The following CFAP65 variants were observed in gnomAD, a reference collection of about 807,000 sequenced individuals.
The protein encoded by CFAP65 is cilia- and flagella-associated protein 65.
CFAP65 carries 155 observed loss-of-function variants against 208.0 expected under a neutral mutation model. The ratio of observed to expected loss-of-function variants is 0.75; its 90% CI spans 0.65 to 0.85. The LOEUF (loss-of-function observed/expected upper bound fraction) is 0.85, where lower values mean the gene tolerates loss of function less well. CFAP65 is among the 40% of genes least tolerant of loss of function. CFAP65 has a pLI of 0.00. For missense variants in CFAP65, 2,294 were observed against 2,451.3 expected, an observed-to-expected ratio of 0.94 and a Z score of 1.36; for synonymous variants, 970 against 986.3, an observed-to-expected ratio of 0.98 and a Z score of 0.31.
Position 219,010,669 on chromosome 2 carries a change from C to A in CFAP65, c.4185G>T (p.Ser1395=), listed in dbSNP as rs778237584. 1.9e-6 allele frequency: 3 copies of A among 1,610,330 alleles called. No individual in the cohort carries two copies. In the African/African-American group the frequency reaches 4.0e-5, roughly 21 times the overall value. The stretch of plus-strand genomic sequence containing the variant: ...CCACTCCCTGGAAGTGGATGAGGGC[C>A]GAGTTCCATCCCAGGATGTGTATGG... The part of the protein sequence containing the change: ...DVPIHILGWN[S]ALIHFQGVGY... Residue 1395 remains serine (S), a synonymous_variant, in exon 26 of 35, where the codon TCG becomes TCT. Coordinates refer to ENST00000341552, the MANE Select transcript of CFAP65 (RefSeq NM_194302.4).
chr2:219,017,817 C>T (rs1947008432), intron 21 of CFAP65, among the ~76,000 whole-genome samples: 1 of 152,250 alleles, frequency 6.6e-6, no homozygotes, highest in Admixed American at 6.5e-5. Flanking sequence ...TCCGGGCCCA[C>T]TCAAAGAGCC....
At chr2:219,035,140 G>A (rs566008102) in intron 5 of CFAP65, 21 of 484,936 alleles carry the variant, frequency 4.3e-5, no homozygotes, top group African/African-American at 3.6e-4. Context: ...CCAAAATCAC[G>A]TGAGCCTTCA....
intron 5 of CFAP65, chr2:219,034,939 TG>T (rs1948260423): frequency 6.1e-6 from 1 of 165,050 alleles, no homozygotes. Flanking sequence ...CCATGCACTT[TG>T]GGAAATAGTT....
chr2:219,018,886 G>A, intron 21 of CFAP65, 165 bp downstream of exon 21: 1 of 898,794 alleles, frequency 1.1e-6, no homozygotes, highest in Admixed American at 2.2e-5. Flanking sequence ...AGTCCTGCTG[G>A]CAACCCCAGT....
In CFAP65 at chr2:219,030,850, G is replaced by C; in HGVS notation, c.1016-16C>G. The C allele has an allele frequency of 6.2e-7, 1 of 1,609,462 alleles. No homozygotes were observed. The highest frequency in any genetic ancestry group is 8.5e-7 in the Non-Finnish European group (1 of 1,177,240). On this transcript the variant is annotated splice_polypyrimidine_tract_variant and intron_variant, in intron 8 of 34. Coordinates refer to ENST00000341552, the MANE Select transcript of CFAP65 (RefSeq NM_194302.4). ...GCGCACTTGGCTGGGGCAGAGATGG[G>C]GGAGTCTTGGGGGAACCCACCAGGG...
chr2:219,021,325 AG>A (rs772363961), intron 18 of CFAP65, 45 bp from the exon 19 acceptor site: 41 of 1,510,810 alleles, frequency 2.7e-5, no homozygotes, highest in Non-Finnish European at 3.6e-5. Context: ...GAGGAGGCCC[AG>A]CCATTCCTCC....
intron 21 of CFAP65, chr2:219,014,251 C>T (rs1946687704): frequency 4.6e-6 from 2 of 438,666 alleles, no homozygotes; most frequent in Admixed American, 3.8e-5. Flanking sequence ...CAGGAACAGA[C>T]TCTGGGCCAC....
At position 219,029,566 on chromosome 2, in the gene CFAP65, G is replaced by A. The variant is rs772946492; in HGVS notation, c.1487C>T (p.Thr496Met). ...PLWIENQSDC[T>M]AHFQFAIDCL... ...GTCGATGGCAAACTGGAAGTGGGCC[G>A]TGCAGTCCGATTGGTTCTCAATCCA... Residue 496 changes from threonine to methionine, a missense_variant, in exon 11 of 35, where the codon ACG (threonine) becomes ATG (methionine). By Grantham distance (81) the Thr-to-Met change is moderately conservative (BLOSUM62 -1). Coordinates refer to ENST00000341552, the MANE Select transcript of CFAP65 (RefSeq NM_194302.4). 1.5e-5 allele frequency: 24 copies of A among 1,614,008 alleles called. No individual in the cohort carries two copies. Among genetic ancestry groups the A allele is most frequent in the Middle Eastern group, 3.3e-4 (2 of 6,084 alleles).
chr2:219,023,451 G>A lies in CFAP65; in HGVS notation c.2596-20C>T. 1.3e-6 allele frequency: 2 copies of A among 1,529,186 alleles called. No individual in the cohort carries two copies. The highest frequency in any genetic ancestry group is 1.2e-5 in the South Asian group (1 of 83,664). The allele number at this position is 1,529,186 out of a possible 1,614,324, so 94.7% of individuals were successfully genotyped here. A position where few individuals can be genotyped will look rare whatever the true frequency, so the allele number is the denominator to read the frequency against. ...CACCTCCTGGAGCCAGAGGAAGAAG[G>A]GCAGTGCCCTGACCTCACTCTGCAG... On this transcript the variant is annotated intron_variant, in intron 15 of 34. Transcript: ENST00000341552.
chr2:219,009,368 G>A lies in CFAP65; in HGVS notation c.4545C>T (p.Tyr1515=). The part of the protein sequence containing the change: ...TLRASVHASF[Y]SADLVCKLYS... ...CTACCTTGCATACCAGGTCTGCACT[G>A]TAGAAGCTGGCATGCACAGAGGCCC... The change falls in exon 28 of 35, where the codon TAC becomes TAT. Residue 1515 remains tyrosine (Y), a synonymous_variant. Coordinates refer to ENST00000341552, the MANE Select transcript of CFAP65 (RefSeq NM_194302.4). 1.9e-6 allele frequency: 3 copies of A among 1,612,358 alleles called. No homozygotes were observed. The highest frequency in any genetic ancestry group is 1.7e-5 in the Admixed American group (1 of 60,032).
At chr2:219,028,113 C>A in intron 12 of CFAP65, 88 bp downstream of exon 12, 2 of 1,565,376 alleles carry the variant, frequency 1.3e-6, no homozygotes, top group South Asian at 1.2e-5. Context: ...GTCGCCCTGA[C>A]TACTAATGGT....
At chr2:219,005,009 C>A (rs1172078201) in intron 32 of CFAP65, among the ~76,000 whole-genome samples, 1 of 137,828 alleles carries the variant, frequency 7.3e-6, no homozygotes, top group Non-Finnish European at 1.6e-5. Context: ...TTCTTTCTTT[C>A]TCTTTTCTTT....
chr2:219,010,416 C>A, intron 26 of CFAP65, 130 bp downstream of exon 26: 2 of 986,462 alleles, frequency 2.0e-6, no homozygotes, highest in Non-Finnish European at 2.9e-6. Context: ...TCCAAGGTCT[C>A]ATCTCTGCCT....
chr2:219,032,118 G>A lies in CFAP65; in HGVS notation c.645+352C>T, dbSNP rs1423977859. ...TATTTTTTAGTAGAGGTGGGGTTTC[G>A]CCATGTCGGCCAGGCTGGTCTCGAA... On this transcript the variant is annotated intron_variant, in intron 6 of 34. Transcript: ENST00000341552. The surrounding 1 kb of genome is among the most constrained non-coding windows in gnomAD (Gnocchi z 5.5). Among the ~76,000 whole-genome samples the A allele has an allele frequency of 3.3e-5, 5 of 151,924 alleles. No individual in the cohort carries two copies. The highest frequency in any genetic ancestry group is 4.8e-5 in the African/African-American group (2 of 41,348).
chr2:219,024,284 C>T (rs370124969), intron 14 of CFAP65, 24 bp from the exon 15 acceptor site: 258 of 1,596,590 alleles, frequency 1.6e-4, no homozygotes, highest in Middle Eastern at 8.4e-4. Flanking sequence ...AGGAGGAAAG[C>T]GGCCCCCCGC....
Position 219,024,241 on chromosome 2 carries a change from G to A in CFAP65, c.2369C>T (p.Ser790Phe). The A allele has an allele frequency of 3.1e-6, 5 of 1,613,094 alleles. No homozygotes were observed. Among genetic ancestry groups the A allele is most frequent in the Middle Eastern group, 3.4e-4 (2 of 5,818 alleles). ...CAGGCTGCGGTAGGTGGGCTCACCG[G>A]AGGACACTGCTGGAAATAGCTGGGG... ...DVPKLFPAVS[S>F]GEPTYRSLLL... Residue 790 changes from serine (S) to phenylalanine (F), a missense_variant, in exon 15 of 35, where the codon TCC (serine) becomes TTC (phenylalanine). Transcript: ENST00000341552.
At chr2:219,013,783 G>C in intron 22 of CFAP65, 85 bp downstream of exon 22, 1 of 1,325,498 alleles carries the variant, frequency 7.5e-7, no homozygotes, top group Admixed American at 1.8e-5. Context: ...TGGCCATTTG[G>C]GGTGCCCTGG....
chr2:219,010,400 G>A (rs1179939946), intron 26 of CFAP65, 146 bp downstream of exon 26: 3 of 834,608 alleles, frequency 3.6e-6, no homozygotes, highest in African/African-American at 1.7e-5. Flanking sequence ...CTGGAGGAGG[G>A]TGAGTTCCAA....
chr2:219,011,623 C>T (rs1946493243), intron 24 of CFAP65, among the ~76,000 whole-genome samples: 1 of 152,134 alleles, frequency 6.6e-6, no homozygotes, highest in South Asian at 2.1e-4. Flanking sequence ...GCGGAAAAGT[C>T]TGAGGGACTA....
Sources: gnomAD v4.1 joint callset for allele counts (sites outside exome capture counted in the v4.1 genomes callset) on GRCh38, gnomAD v4.1.1 for gene constraint, Gnocchi (gnomAD v3.1) non-coding constraint, MANE v1.5 for transcripts, NCBI Gene and HGNC (gene_info 2026-07-23, HGNC 2026-07-21) for gene names.